The following CYP27C1 variants were observed in gnomAD, a reference collection of about 807,000 sequenced individuals.
CYP27C1 encodes cytochrome P450 family 27 subfamily C member 1.
In CYP27C1, 29 loss-of-function variants were observed where a neutral mutation model predicts 40.6. The observed-to-expected ratio is 0.71, with a 90% CI of 0.53 to 0.97. The LOEUF (loss-of-function observed/expected upper bound fraction) is 0.97. Ranked by LOEUF, CYP27C1 falls within the 50% of genes least tolerant of loss-of-function variation. The probability of loss-of-function intolerance (pLI) is 0.00; values close to 1 mark genes in which losing one functional copy is unlikely to be tolerated. For synonymous variants in CYP27C1, 198 were observed against 186.8 expected, an observed-to-expected ratio of 1.06 and a Z score of -0.49; for missense variants, 390 against 485.8, an observed-to-expected ratio of 0.80 and a Z score of 1.85.
In CYP27C1 at chr2:127,204,626, A is replaced by AAAGAAAGAC. The variant is rs200607857; in HGVS notation, c.474-1056_474-1055insGTCTTTCTT. ...GAAAGAAAGAAAGAAAGAAAGAAAG[A>AAAGAAAGAC]AGACTGCAGCTTGTTACCAGGGTGT... On this transcript the variant is annotated intron_variant, in intron 2 of 8. Transcript: ENST00000664447. Among the ~76,000 whole-genome samples, 192 of 38,826 alleles carry AAAGAAAGAC rather than the reference A, an allele frequency of 4.9e-3. 7 individuals are homozygous for AAAGAAAGAC. Among genetic ancestry groups the AAAGAAAGAC allele is most frequent in the Admixed American group, 0.023 (69 of 3,022 alleles). 25.5% of individuals were successfully genotyped at this position (38,826 alleles called of 152,430 possible). A position where few individuals can be genotyped will look rare whatever the true frequency, so the allele number is the denominator to read the frequency against.
intron 5 of CYP27C1, among the ~76,000 whole-genome samples, chr2:127,197,710 A>G (rs1453937583): frequency 6.6e-6 from 1 of 152,170 alleles, no homozygotes; most frequent in Non-Finnish European, 1.5e-5. Context: ...CCACCCACTG[A>G]AAGCATCAGC....
Position 127,187,365 on chromosome 2 carries a change from T to C in CYP27C1, c.1520A>G (p.Lys507Arg). Residue 507 changes from lysine (K) to arginine (R), a missense_variant, in exon 9 of 9, where the codon AAA becomes AGA. Physicochemically the swap from Lys to Arg is conservative, Grantham distance 26. Coordinates refer to ENST00000664447, the MANE Select transcript of CYP27C1 (RefSeq NM_001367502.1). Reference sequence around the variant, plus strand: ...AACAGCATTGGTCTGAGAAGATGTTTTGATCTCAAAATGTTGAAGCAACTA... The same window carrying C: ...AACAGCATTGGTCTGAGAAGATGTTCTGATCTCAAAATGTTGAAGCAACTA... Reference protein sequence around the residue: ...VIQLLQHFEIKTSSQTNAVHA... With the variant: ...VIQLLQHFEIRTSSQTNAVHA... 3 of 1,614,138 alleles carry C rather than the reference T, an allele frequency of 1.9e-6. No homozygotes were observed. The highest frequency in any genetic ancestry group is 2.5e-6 in the Non-Finnish European group (3 of 1,179,984).
At position 127,184,977 on chromosome 2, in the gene CYP27C1, A is replaced by C. The variant is rs1156821732; in HGVS notation, c.*2294T>G. 1 of 151,874 alleles carries C rather than the reference A, an allele frequency of 6.6e-6. No homozygotes were observed. Among genetic ancestry groups the C allele is most frequent in the Admixed American group, 6.6e-5 (1 of 15,238 alleles). The allele number at this position is 151,874 out of a possible 1,614,324, so 9.4% of individuals were successfully genotyped here. The stretch of plus-strand genomic sequence containing the variant: ...TAGGACTACAGGCATGCACCACCAC[A>C]CTCAGCTAAGTTTTTTGATTTTTAG... On this transcript the variant is annotated 3_prime_UTR_variant, in exon 9 of 9. Transcript: ENST00000664447.
At position 127,220,130 on chromosome 2, in the gene CYP27C1, G is replaced by A. The variant is rs1683519887; in HGVS notation, c.141C>T (p.Gly47=). The A allele has an allele frequency of 1.3e-5, 2 of 149,956 alleles. No individual in the cohort carries two copies. The highest frequency in any genetic ancestry group is 6.6e-5 in the Admixed American group (1 of 15,050). The allele number at this position is 149,956 out of a possible 1,614,324, so 9.3% of individuals were successfully genotyped here. A position where few individuals can be genotyped will look rare whatever the true frequency, so the allele number is the denominator to read the frequency against. The part of the protein sequence containing the change: ...LPAGARAEDK[G]AGRPGSPPGG... ...CCGGCGGCGACCCCGGCCGCCCGGC[G>A]CCTTTGTCCTCGGCCCGCGCCCCCG... The change falls in exon 1 of 9, where the codon GGC becomes GGT. Residue 47 remains glycine, a synonymous_variant. Transcript: ENST00000664447. This position sits in a 1 kb window ranked among gnomAD's most constrained non-coding sequence, Gnocchi z 4.6.
rs1340351736 is a variant in CYP27C1 at position 127,195,934 on chromosome 2, C to T, written c.1048-433G>A. On this transcript the variant is annotated intron_variant, in intron 5 of 8. Transcript: ENST00000664447. This position sits in a 1 kb window ranked among gnomAD's most constrained non-coding sequence, Gnocchi z 6.2. ...CCCCGGCATCCCCAGGATGCTGGGC[C>T]CGGCCCACTCTGGCTGCCCTAATCT... is the stretch of plus-strand genomic sequence containing the variant. Among the ~76,000 whole-genome samples the T allele has an allele frequency of 4.6e-5, 7 of 152,186 alleles. No individual in the cohort carries two copies. The highest frequency in any genetic ancestry group is 1.7e-4 in the African/African-American group (7 of 41,446).
chr2:127,212,424 T>C (rs1178310734), intron 1 of CYP27C1, among the ~76,000 whole-genome samples: 1 of 152,182 alleles, frequency 6.6e-6, no homozygotes, highest in Non-Finnish European at 1.5e-5. Context: ...CTTAATAAAA[T>C]ACTGGCAAAC....
chr2:127,217,407 GTTA>G (rs1334275800), intron 1 of CYP27C1, among the ~76,000 whole-genome samples: 3 of 152,164 alleles, frequency 2.0e-5, no homozygotes, highest in African/African-American at 7.2e-5. Flanking sequence ...AATACTGATC[GTTA>G]TTATTTGTTA....
chr2:127,219,187 A>G lies in CYP27C1; in HGVS notation c.282+802T>C, dbSNP rs1683499532. Among the ~76,000 whole-genome samples, 1 of 152,016 alleles carries G rather than the reference A, an allele frequency of 6.6e-6. No homozygotes were observed. Among genetic ancestry groups the G allele is most frequent in the African/African-American group, 2.4e-5 (1 of 41,392 alleles). Reference sequence around the variant, plus strand: ...CGGTCTCGGCCACCTAAGGACACCGAGCTCCGCAGAGCCTAGAGGAGCTAG... The same window carrying G: ...CGGTCTCGGCCACCTAAGGACACCGGGCTCCGCAGAGCCTAGAGGAGCTAG... On this transcript the variant is annotated intron_variant, in intron 1 of 8. Coordinates refer to ENST00000664447, the MANE Select transcript of CYP27C1 (RefSeq NM_001367502.1). This position sits in a 1 kb window ranked among gnomAD's most constrained non-coding sequence, Gnocchi z 8.7.
chr2:127,198,158 T>C (rs1185923673), intron 5 of CYP27C1, among the ~76,000 whole-genome samples: 1 of 150,264 alleles, frequency 6.7e-6, no homozygotes, highest in Non-Finnish European at 1.5e-5. Context: ...GCCATGCTAC[T>C]GGGCTCCATT....
rs926216622 is a variant in CYP27C1, at chr2:127,185,476, C to T, written c.*1795G>A. On this transcript the variant is annotated 3_prime_UTR_variant, in exon 9 of 9. Transcript: ENST00000664447. This position sits in a 1 kb window ranked among gnomAD's most constrained non-coding sequence, Gnocchi z 4.9. Reference sequence around the variant, plus strand: ...TCTCAATATTTTTAAATTTCAGTCTCAAACAGAATGCAATTTCATCTAGTT... The same window carrying T: ...TCTCAATATTTTTAAATTTCAGTCTTAAACAGAATGCAATTTCATCTAGTT... The T allele has an allele frequency of 1.3e-5, 2 of 152,180 alleles. No homozygotes were observed. Among genetic ancestry groups the T allele is most frequent in the Admixed American group, 6.5e-5 (1 of 15,286 alleles). The allele number at this position is 152,180 out of a possible 1,614,324, so 9.4% of individuals were successfully genotyped here.
Position 127,211,361 on chromosome 2 carries a change from G to GTTTTTTTTTTTT in CYP27C1, c.283-5272_283-5271insAAAAAAAAAAAA, listed in dbSNP as rs1156982574. ...ATCTCTGGGATACAGCTAAAGCAGT[G>GTTTTTTTTTTTT]TTTTTTTGTTTTTTTTTTTTTTTTT... is the stretch of plus-strand genomic sequence containing the variant. On this transcript the variant is annotated intron_variant, in intron 1 of 8. Coordinates refer to ENST00000664447, the MANE Select transcript of CYP27C1 (RefSeq NM_001367502.1). Among the ~76,000 whole-genome samples the GTTTTTTTTTTTT allele has an allele frequency of 8.7e-5, 9 of 103,638 alleles. 1 individual carries two copies. The highest frequency in any genetic ancestry group is 3.6e-4 in the African/African-American group (9 of 25,210). 68.0% of individuals were successfully genotyped at this position (103,638 alleles called of 152,430 possible).
chr2:127,203,335 A>G, intron 3 of CYP27C1, 37 bp downstream of exon 3: 1 of 1,600,520 alleles, frequency 6.2e-7, no homozygotes, highest in Non-Finnish European at 8.5e-7. Flanking sequence ...GCAAGTATCC[A>G]TTCTTCCCTC....
intron 2 of CYP27C1, among the ~76,000 whole-genome samples, chr2:127,204,551 G>GAGAGAGAGAGAAAGAAAGAAAGAA (rs1558931344): frequency 2.9e-4 from 15 of 51,298 alleles, no homozygotes; most frequent in African/African-American, 1.0e-3. Context: ...GAGAGAGAGA[G>GAGAGAGAGAGAAAGAAAGAAAGAA]AGAGAGAAAG....
At chr2:127,204,545 GAGAGAGAGAGAGAAAGAAAGAAAGAA>G (rs1683161395) in intron 2 of CYP27C1, among the ~76,000 whole-genome samples, 11 of 76,876 alleles carry the variant, frequency 1.4e-4, no homozygotes, top group African/African-American at 3.6e-4. Flanking sequence ...AAGAGAGAGA[GAGAGAGAGAGAGAAAGAAAGAAAGAA>G]AGAAAGAAAG....
At chr2:127,190,261 T>TA (rs375319313) in intron 8 of CYP27C1, among the ~76,000 whole-genome samples, 3,651 of 148,552 alleles carry the variant, frequency 0.025, 155 homozygotes, top group African/African-American at 0.083. Flanking sequence ...TTTTCTTGAT[T>TA]AAAAAAAAAT....
At chr2:127,197,396 A>G (rs975757099) in intron 5 of CYP27C1, among the ~76,000 whole-genome samples, 2 of 152,196 alleles carry the variant, frequency 1.3e-5, no homozygotes, top group Non-Finnish European at 2.9e-5. Flanking sequence ...ATAAAAATAA[A>G]GCCTTGAGGC....
intron 1 of CYP27C1, among the ~76,000 whole-genome samples, chr2:127,215,801 A>T (rs1159131632): frequency 6.6e-6 from 1 of 152,106 alleles, no homozygotes; most frequent in Non-Finnish European, 1.5e-5. Context: ...AATATATAGA[A>T]ACTTACAAAT....
Position 127,208,427 on chromosome 2 carries a change from A to C in CYP27C1, c.283-2337T>G, listed in dbSNP as rs1267753586. Reference sequence around the variant, plus strand: ...CCATGCCACCAGAGCCAAGCATCCCAACCCTGGTATGCACAGATTCCTACA... The same window carrying C: ...CCATGCCACCAGAGCCAAGCATCCCCACCCTGGTATGCACAGATTCCTACA... On this transcript the variant is annotated intron_variant, in intron 1 of 8. Coordinates refer to ENST00000664447, the MANE Select transcript of CYP27C1 (RefSeq NM_001367502.1). This position sits in a 1 kb window ranked among gnomAD's most constrained non-coding sequence, Gnocchi z 5.2. 6.6e-6 allele frequency among the ~76,000 whole-genome samples: 1 copy of C among 152,166 alleles called. No individual in the cohort carries two copies. Among genetic ancestry groups the C allele is most frequent in the Non-Finnish European group, 1.5e-5 (1 of 68,024 alleles).
intron 8 of CYP27C1, among the ~76,000 whole-genome samples, chr2:127,191,178 C>T (rs1307409624): frequency 6.6e-6 from 1 of 151,576 alleles, no homozygotes; most frequent in Non-Finnish European, 1.5e-5. Context: ...CCCCAGGAGG[C>T]GGAGGTTGCA....
Sources: allele counts gnomAD v4.1 joint callset (sites outside exome capture counted in the v4.1 genomes callset), GRCh38; gene constraint gnomAD v4.1.1; non-coding constraint Gnocchi (gnomAD v3.1); transcripts MANE v1.5; gene names NCBI Gene and HGNC (gene_info 2026-07-23, HGNC 2026-07-21).